PDE1C: variants seen among roughly 807,000 people sequenced by gnomAD.
PDE1C encodes phosphodiesterase 1C, also known as dual specificity calcium/calmodulin-dependent 3',5'-cyclic nucleotide phosphodiesterase 1C.
A neutral mutation model predicts 93.1 loss-of-function variants in PDE1C; 62 were observed. The observed-to-expected ratio is 0.67, with a 90% CI of 0.54 to 0.82. The LOEUF (loss-of-function observed/expected upper bound fraction) is 0.82, where lower values mean the gene tolerates loss of function less well. PDE1C is among the 40% of genes least tolerant of loss of function. The probability of loss-of-function intolerance (pLI) is 0.00; values close to 1 mark genes in which losing one functional copy is unlikely to be tolerated. For missense variants in PDE1C, 742 were observed against 884.6 expected (o/e 0.84, Z 2.04); for synonymous variants, 325 against 310.1 (o/e 1.05, Z -0.50).
At chr7:32,300,242 A>G (rs1018400310), upstream of PDE1C, among the ~76,000 whole-genome samples, 2 of 152,212 alleles carry the variant, frequency 1.3e-5, no homozygotes, top group Non-Finnish European at 2.9e-5. Context: ...TTTTAAAGAA[A>G]TGGAATTGTG....
At chr7:32,114,965 T>G (rs1304585888) in intron 3 of PDE1C, among the ~76,000 whole-genome samples, 2 of 151,908 alleles carry the variant, frequency 1.3e-5, no homozygotes, top group African/African-American at 4.8e-5. Context: ...CAAGAAACAA[T>G]AGATGCTGGC....
intron 2 of PDE1C, among the ~76,000 whole-genome samples, chr7:32,198,945 T>C (rs1171372493): frequency 6.6e-6 from 1 of 151,840 alleles, no homozygotes; most frequent in Admixed American, 6.6e-5. Flanking sequence ...GGTGAAACCC[T>C]GTCTCTACTG....
intron 1 of PDE1C, among the ~76,000 whole-genome samples, chr7:32,415,197 T>G (rs1380486693): frequency 6.6e-6 from 1 of 152,150 alleles, no homozygotes; most frequent in Non-Finnish European, 1.5e-5. Flanking sequence ...ATGCCTGTAA[T>G]TCCAACACTT....
intron 1 of PDE1C, among the ~76,000 whole-genome samples, chr7:32,414,300 A>T (rs1785229568): frequency 6.6e-6 from 1 of 152,166 alleles, no homozygotes; most frequent in South Asian, 2.1e-4. Context: ...CTCATTAAAA[A>T]AAGATGTATA....
At chr7:32,186,257 C>T (rs971474257) in intron 2 of PDE1C, among the ~76,000 whole-genome samples, 26 of 151,974 alleles carry the variant, frequency 1.7e-4, no homozygotes, top group African/African-American at 6.0e-4. Flanking sequence ...CGCCCGCCAC[C>T]GCGCCCGGCT....
At chr7:32,297,987 CTCTCTCTCT>C (rs1562660042) in intron 1 of PDE1C, among the ~76,000 whole-genome samples, 2 of 42,280 alleles carry the variant, frequency 4.7e-5, no homozygotes, top group Non-Finnish European at 1.1e-4. Flanking sequence ...CTCTCTCTCT[CTCTCTCTCT>C]CCTCTCTCTC....
chr7:31,714,814 A>G, the PDE1C span, among the ~76,000 whole-genome samples: 1 of 152,170 alleles, frequency 6.6e-6, no homozygotes, highest in Non-Finnish European at 1.5e-5. Flanking sequence ...CCATGATTCA[A>G]TTACCTCCCA....
chr7:31,849,802 C>T, intron 8 of PDE1C, among the ~76,000 whole-genome samples: 1 of 152,112 alleles, frequency 6.6e-6, no homozygotes, highest in South Asian at 2.1e-4. Context: ...CAGACTCTCT[C>T]CAGTTCCACA....
the PDE1C span, among the ~76,000 whole-genome samples, chr7:31,736,021 A>G: frequency 2.6e-5 from 4 of 152,194 alleles, no homozygotes; most frequent in African/African-American, 4.8e-5. Context: ...TCAACAGTGC[A>G]TTGCTGTGTG....
intron 17 of PDE1C, among the ~76,000 whole-genome samples, chr7:31,767,922 C>G (rs1170903528): frequency 6.6e-6 from 1 of 152,198 alleles, no homozygotes; most frequent in East Asian, 1.9e-4. Flanking sequence ...GATTACCTCC[C>G]AAAGGCTCCA....
At chr7:32,240,713 G>A (rs191704773) in intron 1 of PDE1C, among the ~76,000 whole-genome samples, 1 of 152,250 alleles carries the variant, frequency 6.6e-6, no homozygotes, top group African/African-American at 2.4e-5. Context: ...ACCATAGAAG[G>A]CCACCAGGGG....
chr7:32,055,382 G>A (rs536616369), intron 1 of PDE1C, among the ~76,000 whole-genome samples: 1 of 152,056 alleles, frequency 6.6e-6, no homozygotes, highest in East Asian at 1.9e-4. Context: ...ACCCTGAGAG[G>A]TTCTACCTAC....
intron 3 of PDE1C, among the ~76,000 whole-genome samples, chr7:32,120,900 G>A (rs1216279126): frequency 6.6e-6 from 1 of 152,168 alleles, no homozygotes; most frequent in Non-Finnish European, 1.5e-5. Flanking sequence ...GACAGAGGTA[G>A]GCTTCAGAAG....
At chr7:31,759,347 C>T (rs536624369) in intron 17 of PDE1C, among the ~76,000 whole-genome samples, 46 of 152,188 alleles carry the variant, frequency 3.0e-4, no homozygotes, top group African/African-American at 9.9e-4. Flanking sequence ...GGAAGGGGTC[C>T]GACCCTCCTC....
intron 3 of PDE1C, among the ~76,000 whole-genome samples, chr7:32,112,791 T>C (rs1301190098): frequency 7.1e-6 from 1 of 140,412 alleles, no homozygotes; most frequent in Non-Finnish European, 1.6e-5. Flanking sequence ...ATATAAAACA[T>C]ATATATACAT....
chr7:31,897,887 A>T (rs897002685), intron 2 of PDE1C, among the ~76,000 whole-genome samples: 1 of 152,100 alleles, frequency 6.6e-6, no homozygotes, highest in African/African-American at 2.4e-5. Flanking sequence ...CCTTTCTTAT[A>T]GTCAGAAAAC....
intron 1 of PDE1C, among the ~76,000 whole-genome samples, chr7:32,058,369 G>A (rs947541361): frequency 1.3e-5 from 2 of 152,146 alleles, no homozygotes; most frequent in East Asian, 1.9e-4. Flanking sequence ...AGCAAGGCTC[G>A]TGTAGTTAAC....
intron 3 of PDE1C, among the ~76,000 whole-genome samples, chr7:32,091,849 C>G (rs1353042606): frequency 3.3e-5 from 5 of 152,130 alleles, no homozygotes; most frequent in Admixed American, 3.3e-4. Flanking sequence ...GAGAATAGAC[C>G]ATGATAGGGG....
chr7:31,906,745 T>C (rs2128929709), intron 2 of PDE1C, among the ~76,000 whole-genome samples: 1 of 152,338 alleles, frequency 6.6e-6, no homozygotes, highest in East Asian at 1.9e-4. Flanking sequence ...TTCCAAAGCC[T>C]GGCTTTTGCA....
Sources: gnomAD v4.1 joint callset for allele counts (sites outside exome capture counted in the v4.1 genomes callset) on GRCh38, gnomAD v4.1.1 for gene constraint, MANE v1.5 for transcripts, NCBI Gene and HGNC (gene_info 2026-07-23, HGNC 2026-07-21) for gene names.